Variants in CNTN4 observed in about 807,000 individuals in gnomAD.
CNTN4 encodes contactin 4.
CNTN4 carries 77 observed loss-of-function variants against 122.5 expected under a neutral mutation model. The ratio of observed to expected loss-of-function variants is 0.63; its 90% confidence interval spans 0.52 to 0.76. CNTN4 has a LOEUF of 0.76. CNTN4 is among the 30% of genes least tolerant of loss of function. The probability of loss-of-function intolerance (pLI) is 0.00; values close to 1 mark genes in which losing one functional copy is unlikely to be tolerated. For missense variants in CNTN4, 1,256 were observed against 1,259.1 expected (o/e 1.00, Z 0.04); for synonymous variants, 512 against 447.0 (o/e 1.15, Z -1.83).
rs78298802 is a variant in CNTN4 at position 2,582,090 on chromosome 3, C to T, written c.55+10532C>T. Among the ~76,000 whole-genome samples, 100 of 152,262 alleles carry T rather than the reference C, an allele frequency of 6.6e-4. No homozygotes were observed. The East Asian group carries it at 0.019, about 29-fold the overall frequency. On this transcript the variant is annotated intron_variant, in intron 4 of 24. Transcript: ENST00000418658. ...GAAAGCGGTGATGGTCACTCAACCT[C>T]GTGAGTACACTAAAAATCACTTAAC...
chr3:2,226,133 C>G (rs949528370), intron 2 of CNTN4, among the ~76,000 whole-genome samples: 3 of 151,264 alleles, frequency 2.0e-5, no homozygotes, highest in Non-Finnish European at 4.4e-5. Context: ...CCACGTTTTG[C>G]TTTTTTTTTA....
intron 4 of CNTN4, among the ~76,000 whole-genome samples, chr3:2,734,210 G>A (rs920660831): frequency 6.6e-6 from 1 of 152,080 alleles, no homozygotes; most frequent in African/African-American, 2.4e-5. Flanking sequence ...AGAGGCGCAT[G>A]CCACCAAGCC....
At chr3:2,441,078 G>A (rs1229597332) in intron 3 of CNTN4, among the ~76,000 whole-genome samples, 1 of 151,668 alleles carries the variant, frequency 6.6e-6, no homozygotes, top group Non-Finnish European at 1.5e-5. Flanking sequence ...TGGAATTGAT[G>A]CATTATGGTG....
At chr3:2,318,903 A>G (rs1174427789) in intron 2 of CNTN4, among the ~76,000 whole-genome samples, 1 of 152,072 alleles carries the variant, frequency 6.6e-6, no homozygotes, top group Non-Finnish European at 1.5e-5. Flanking sequence ...TTGGCCGCCC[A>G]AGTTGGGGAT....
intron 4 of CNTN4, among the ~76,000 whole-genome samples, chr3:2,703,144 A>G (rs1050631729): frequency 3.9e-5 from 6 of 152,216 alleles, no homozygotes; most frequent in Non-Finnish European, 8.8e-5. Flanking sequence ...GAGAAGGTTT[A>G]GTAAATTGCT....
At chr3:2,982,920 A>T (rs888323702) in intron 13 of CNTN4, among the ~76,000 whole-genome samples, 1 of 151,988 alleles carries the variant, frequency 6.6e-6, no homozygotes, top group Non-Finnish European at 1.5e-5. Context: ...CACTAAAAAA[A>T]ATAGCACAAA....
At chr3:2,583,254 G>A (rs2619566) in intron 4 of CNTN4, among the ~76,000 whole-genome samples, 112,902 of 152,108 alleles carry the variant, frequency 0.74, 44,018 homozygotes, top group Non-Finnish European at 0.89. Context: ...CATTGCAGCA[G>A]ATATGTTACT....
At chr3:2,677,021 A>G (rs2084885464) in intron 4 of CNTN4, among the ~76,000 whole-genome samples, 1 of 152,008 alleles carries the variant, frequency 6.6e-6, no homozygotes, top group South Asian at 2.1e-4. Context: ...TCCGAGGAAT[A>G]CTCTGCACAT....
chr3:2,120,374 A>AAATAT (rs2033653616), intron 2 of CNTN4, among the ~76,000 whole-genome samples: 9 of 59,080 alleles, frequency 1.5e-4, no homozygotes, highest in Admixed American at 4.1e-4. Context: ...TATATATATA[A>AAATAT]ATATATATAT....
intron 4 of CNTN4, among the ~76,000 whole-genome samples, chr3:2,672,129 T>C (rs1441474152): frequency 6.6e-6 from 1 of 152,232 alleles, no homozygotes; most frequent in African/African-American, 2.4e-5. Flanking sequence ...GAACCACCAC[T>C]GTCTTCCAAG....
intron 4 of CNTN4, among the ~76,000 whole-genome samples, chr3:2,673,587 C>G (rs989101577): frequency 1.3e-5 from 2 of 152,100 alleles, no homozygotes; most frequent in Non-Finnish European, 2.9e-5. Context: ...GTCGCCCAGG[C>G]TGGAGTGCAG....
At chr3:2,318,754 C>G (rs2043191141) in intron 2 of CNTN4, among the ~76,000 whole-genome samples, 2 of 152,268 alleles carry the variant, frequency 1.3e-5, no homozygotes, top group Admixed American at 1.3e-4. Context: ...ATCCTCCTGC[C>G]TCCTCCTCCC....
intron 2 of CNTN4, among the ~76,000 whole-genome samples, chr3:2,230,078 T>G (rs964872401): frequency 6.6e-6 from 1 of 152,212 alleles, no homozygotes; most frequent in African/African-American, 2.4e-5. Flanking sequence ...CCCTACTCTA[T>G]TTACTTGTTT....
chr3:2,517,830 T>G (rs965831086), intron 3 of CNTN4, among the ~76,000 whole-genome samples: 6 of 152,150 alleles, frequency 3.9e-5, no homozygotes, highest in African/African-American at 1.4e-4. Flanking sequence ...CCACCATCTC[T>G]CAGAAGAGAA....
At chr3:2,418,100 T>C (rs2047482636) in intron 3 of CNTN4, among the ~76,000 whole-genome samples, 1 of 152,036 alleles carries the variant, frequency 6.6e-6, no homozygotes, top group South Asian at 2.1e-4. Flanking sequence ...AACCATAGAG[T>C]GTAAAACATA....
chr3:2,567,995 C>T (rs761627073), intron 3 of CNTN4, among the ~76,000 whole-genome samples: 5 of 152,120 alleles, frequency 3.3e-5, no homozygotes, highest in Admixed American at 6.5e-5. Context: ...CTGTGAGCTC[C>T]TTGAGGACAA....
intron 14 of CNTN4, among the ~76,000 whole-genome samples, chr3:3,018,324 A>C (rs1441502269): frequency 6.6e-6 from 1 of 152,208 alleles, no homozygotes; most frequent in Non-Finnish European, 1.5e-5. Flanking sequence ...AAGTAGCATA[A>C]AACTTTAATT....
At chr3:2,919,873 T>C (rs542781305) in intron 12 of CNTN4, among the ~76,000 whole-genome samples, 1 of 152,310 alleles carries the variant, frequency 6.6e-6, no homozygotes, top group African/African-American at 2.4e-5. Flanking sequence ...ACATGTTGAT[T>C]ATATAAGAAA....
At chr3:2,918,008 T>A (rs2094388239) in intron 12 of CNTN4, among the ~76,000 whole-genome samples, 1 of 152,150 alleles carries the variant, frequency 6.6e-6, no homozygotes, top group Admixed American at 6.5e-5. Flanking sequence ...CTAAAGAAAG[T>A]CATTTGTACT....
Sources: gnomAD v4.1 joint callset for allele counts (sites outside exome capture counted in the v4.1 genomes callset) on GRCh38, gnomAD v4.1.1 for gene constraint, MANE v1.5 for transcripts, NCBI Gene and HGNC (gene_info 2026-07-23, HGNC 2026-07-21) for gene names.